SACM1L: variants seen among roughly 807,000 people sequenced by gnomAD.
SACM1L encodes phosphatidylinositol-3-phosphatase SAC1.
SACM1L carries 32 observed loss-of-function variants against 89.5 expected under a neutral mutation model. The ratio of observed to expected loss-of-function variants is 0.36; its 90% CI spans 0.27 to 0.48. SACM1L has a LOEUF of 0.48. Ranked by LOEUF, SACM1L falls within the 20% of genes least tolerant of loss-of-function variation. The probability of loss-of-function intolerance (pLI) is 0.99; values close to 1 mark genes in which losing one functional copy is unlikely to be tolerated. For synonymous variants in SACM1L, 213 were observed against 232.8 expected (o/e 0.92, Z 0.77); for missense variants, 543 against 708.5 (o/e 0.77, Z 2.65).
At chr3:45,724,255 A>G (rs76568342) in intron 11 of SACM1L, among the ~76,000 whole-genome samples, 1,863 of 151,072 alleles carry the variant, frequency 0.012, 37 homozygotes, top group African/African-American at 0.043. Context: ...AATACACCAG[A>G]GTTCCAGTTT....
chr3:45,722,803 C>A, intron 9 of SACM1L, 66 bp from the exon 10 acceptor site: 1 of 1,198,512 alleles, frequency 8.3e-7, no homozygotes, highest in Non-Finnish European at 1.2e-6. Context: ...ACACCCCTGA[C>A]AATAAGTAAG....
In SACM1L at chr3:45,732,098, G is replaced by A; in HGVS notation, c.1047G>A (p.Trp349Ter). 1 of 1,605,138 alleles carries A rather than the reference G, an allele frequency of 6.2e-7. No individual in the cohort carries two copies. The highest frequency in any genetic ancestry group is 1.1e-5 in the South Asian group (1 of 89,286). Residue 349 changes from tryptophan (W) to a stop codon, truncating the protein, a stop_gained, in exon 13 of 20, where the codon TGG becomes TGA. Coordinates refer to ENST00000389061, the MANE Select transcript of SACM1L (RefSeq NM_014016.5). LOFTEE classifies it high-confidence loss of function. Reference protein sequence around the residue: ...DFHKECKNMRWDRLSILLDQV... With the variant: ...DFHKECKNMR ...ATAAGGAATGTAAAAATATGAGATG[G>A]GATCGACTAAGTATTTTATTGGATC...
At chr3:45,708,472 T>A (rs1698448826) in intron 4 of SACM1L, among the ~76,000 whole-genome samples, 1 of 152,212 alleles carries the variant, frequency 6.6e-6, no homozygotes, top group South Asian at 2.1e-4. Context: ...TATATTATTC[T>A]AAAACATATA....
chr3:45,742,432 T>A (rs547814120), intron 19 of SACM1L, among the ~76,000 whole-genome samples: 16 of 151,976 alleles, frequency 1.1e-4, no homozygotes, highest in African/African-American at 3.6e-4. Flanking sequence ...TAGGAAGGAG[T>A]CTGGATGCTA....
intron 1 of SACM1L, among the ~76,000 whole-genome samples, chr3:45,700,245 G>A (rs751493010): frequency 2.4e-4 from 37 of 152,278 alleles, no homozygotes; most frequent in Middle Eastern, 3.4e-3. Context: ...AATAGCATTA[G>A]TTATTGAACA....
chr3:45,709,426 A>G, intron 4 of SACM1L, 72 bp from the exon 5 acceptor site: 1 of 1,358,410 alleles, frequency 7.4e-7, no homozygotes, highest in East Asian at 2.3e-5. Flanking sequence ...ACAGGATTTA[A>G]TTTGTATTCT....
rs71619605 is a variant in SACM1L at position 45,697,267 on chromosome 3, TC to T, written c.33-6169del. On this transcript the variant is annotated intron_variant, in intron 1 of 19. Coordinates refer to ENST00000389061, the MANE Select transcript of SACM1L (RefSeq NM_014016.5). The stretch of plus-strand genomic sequence containing the variant: ...CTCCTGCTTTGTTTTTCTTTTCTTT[TC>T]CTTTTTTTTTTTTTTTTTTTTTTTT... Among the ~76,000 whole-genome samples the T allele has an allele frequency of 5.4e-3, 737 of 137,182 alleles. 25 individuals are homozygous for T. The highest frequency in any genetic ancestry group is 6.3e-3 in the Non-Finnish European group (421 of 66,396). 90.0% of individuals were successfully genotyped at this position (137,182 alleles called of 152,430 possible).
intron 11 of SACM1L, among the ~76,000 whole-genome samples, chr3:45,728,486 T>A (rs777662998): frequency 1.8e-4 from 28 of 152,198 alleles, no homozygotes; most frequent in Non-Finnish European, 3.2e-4. Flanking sequence ...CCATGAGGAT[T>A]ACATATAACA....
chr3:45,703,615 G>A (rs1698324158), intron 2 of SACM1L, 80 bp downstream of exon 2: 3 of 938,062 alleles, frequency 3.2e-6, no homozygotes, highest in Non-Finnish European at 5.0e-6. Flanking sequence ...ATCACTCAGA[G>A]GTGTGTCAGT....
chr3:45,736,131 A>C (rs1400273294), intron 14 of SACM1L, among the ~76,000 whole-genome samples: 9 of 152,192 alleles, frequency 5.9e-5, no homozygotes, highest in African/African-American at 2.2e-4. Context: ...CAGCTCCCAA[A>C]GTGCTGGGAT....
In SACM1L at chr3:45,706,881, A is replaced by G. The variant is rs1698409952; in HGVS notation, c.307A>G (p.Thr103Ala). 8 of 1,613,266 alleles carry G rather than the reference A, an allele frequency of 5.0e-6. No individual in the cohort carries two copies. Among genetic ancestry groups the G allele is most frequent in the Non-Finnish European group, 5.1e-6 (6 of 1,179,574 alleles). ...TDFDVLSYKK[T>A]MLHLTDIQLQ... is the part of the protein sequence containing the mutation. ...TTTTGATGTCCTTTCTTATAAGAAGACAATGTTGCACTTAACTGATATTCA... is the reference window on the plus strand; with the variant it reads ...TTTTGATGTCCTTTCTTATAAGAAGGCAATGTTGCACTTAACTGATATTCA... Residue 103 changes from threonine to alanine, a missense_variant, in exon 4 of 20, where the codon ACA becomes GCA. Physicochemically the swap from Thr to Ala is moderately conservative, Grantham distance 58 (BLOSUM62 0). This residue lies in a region of SACM1L where 173 missense variants were observed against 180.9 expected (regional missense o/e 0.96). Transcript: ENST00000389061.
intron 13 of SACM1L, among the ~76,000 whole-genome samples, chr3:45,734,179 AAGGC>A (rs1699143055): frequency 1.4e-5 from 2 of 147,444 alleles, no homozygotes; most frequent in Admixed American, 1.4e-4. Flanking sequence ...TTGGGAAGCC[AAGGC>A]AGACGGATCA....
chr3:45,700,819 G>A (rs1698247527), intron 1 of SACM1L, among the ~76,000 whole-genome samples: 1 of 152,142 alleles, frequency 6.6e-6, no homozygotes. Flanking sequence ...CTACAGGCAT[G>A]TACCACCATG....
chr3:45,732,082 G>A lies in SACM1L; in HGVS notation c.1031G>A (p.Cys344Tyr), dbSNP rs1699085817. 1.2e-6 allele frequency: 2 copies of A among 1,600,758 alleles called. No individual in the cohort carries two copies. The highest frequency in any genetic ancestry group is 1.7e-6 in the Non-Finnish European group (2 of 1,175,444). The change falls in exon 13 of 20, where the codon TGT (cysteine) becomes TAT (tyrosine). Residue 344 changes from cysteine (C) to tyrosine (Y), a missense_variant. By Grantham distance (194) the Cys-to-Tyr change is radical. This residue lies in a region of SACM1L where 370 missense variants were observed against 527.6 expected (regional missense o/e 0.70). Coordinates refer to ENST00000389061, the MANE Select transcript of SACM1L (RefSeq NM_014016.5). Reference sequence around the variant, plus strand: ...ATTGCCTTTGACTTCCATAAGGAATGTAAAAATATGAGATGGGATCGACTA... The same window carrying A: ...ATTGCCTTTGACTTCCATAAGGAATATAAAAATATGAGATGGGATCGACTA... Reference protein sequence around the residue: ...RYIAFDFHKECKNMRWDRLSI... With the variant: ...RYIAFDFHKEYKNMRWDRLSI...
chr3:45,721,151 G>A (rs565469221), intron 8 of SACM1L, among the ~76,000 whole-genome samples: 115 of 152,288 alleles, frequency 7.6e-4, no homozygotes, highest in African/African-American at 2.7e-3. Flanking sequence ...CAGATTTTGT[G>A]TTTTCATTTT....
intron 1 of SACM1L, among the ~76,000 whole-genome samples, chr3:45,701,981 G>A (rs530533302): frequency 8.5e-5 from 13 of 152,248 alleles, no homozygotes; most frequent in African/African-American, 2.6e-4. Context: ...TGATATATCC[G>A]TACAATGGAA....
intron 1 of SACM1L, among the ~76,000 whole-genome samples, chr3:45,699,553 A>C (rs1471667287): frequency 1.3e-5 from 2 of 152,050 alleles, no homozygotes; most frequent in Non-Finnish European, 2.9e-5. Context: ...TTTGAGACTG[A>C]GTCTCACTCT....
intron 1 of SACM1L, among the ~76,000 whole-genome samples, chr3:45,696,628 C>T (rs995106737): frequency 5.9e-5 from 9 of 151,720 alleles, no homozygotes; most frequent in Non-Finnish European, 7.4e-5. Context: ...AGCCAACACT[C>T]GTTATTTTCT....
intron 12 of SACM1L, 111 bp from the exon 13 acceptor site, chr3:45,731,942 A>G: frequency 7.9e-6 from 5 of 636,494 alleles, no homozygotes; most frequent in Non-Finnish European, 1.4e-5. Flanking sequence ...AGTGTTCCCA[A>G]GAAATATGTA....
Sources: gnomAD v4.1 joint callset for allele counts (sites outside exome capture counted in the v4.1 genomes callset) on GRCh38, gnomAD v4.1.1 for gene constraint, gnomAD v4.1.1 regional missense constraint, MANE v1.5 for transcripts, NCBI Gene and HGNC (gene_info 2026-07-23, HGNC 2026-07-21) for gene names.